LRRC56: variants seen among roughly 807,000 people sequenced by gnomAD.
LRRC56 encodes the protein leucine rich repeat containing 56, also known as leucine-rich repeat-containing protein 56.
A neutral mutation model predicts 47.8 loss-of-function variants in LRRC56; 41 were observed. The ratio of observed to expected loss-of-function variants is 0.86; its 90% CI spans 0.67 to 1.11. The LOEUF (loss-of-function observed/expected upper bound fraction) is 1.11. Among genes scored for constraint, LRRC56 ranks in the 50% most tolerant of loss-of-function variants. The pLI, the probability that LRRC56 is intolerant of heterozygous loss-of-function variation, is 0.00. For synonymous variants in LRRC56, 387 were observed against 311.2 expected, an observed-to-expected ratio of 1.24 and a Z score of -2.56; for missense variants, 759 against 704.2, an observed-to-expected ratio of 1.08 and a Z score of -0.88.
chr11:552,564 C>G lies in LRRC56; in HGVS notation c.1182-5C>G. ...CTGGAGCTTCTCCTCCTCTCCCCACCCTAGCCCCCTCCCCTATAGGCACCC... is the reference window on the plus strand; with the variant it reads ...CTGGAGCTTCTCCTCCTCTCCCCACGCTAGCCCCCTCCCCTATAGGCACCC... On this transcript the variant is annotated splice_region_variant and splice_polypyrimidine_tract_variant and intron_variant, in intron 12 of 13. Coordinates refer to ENST00000270115, the MANE Select transcript of LRRC56 (RefSeq NM_198075.4). 6.3e-7 allele frequency: 1 copy of G among 1,596,700 alleles called. No individual in the cohort carries two copies.
chr11:550,660 G>A (rs150674085), intron 8 of LRRC56, among the ~76,000 whole-genome samples: 6 of 152,154 alleles, frequency 3.9e-5, no homozygotes, highest in Non-Finnish European at 5.9e-5. Flanking sequence ...GCAGTATCTC[G>A]GGGCTCTGCG....
the LRRC56 span, among the ~76,000 whole-genome samples, chr11:520,283 C>T: frequency 6.5e-3 from 428 of 66,354 alleles, 85 homozygotes; most frequent in Middle Eastern, 0.032. Flanking sequence ...CACAGGTGAG[C>T]TTTATTAGAA....
the LRRC56 span, among the ~76,000 whole-genome samples, chr11:527,682 C>CCACCA: frequency 6.6e-6 from 1 of 151,332 alleles, no homozygotes; most frequent in African/African-American, 2.4e-5. Context: ...CAGGCGCCCG[C>CCACCA]CACCACGCCC....
At chr11:509,000 G>C in the LRRC56 span, among the ~76,000 whole-genome samples, 1 of 152,080 alleles carries the variant, frequency 6.6e-6, no homozygotes, top group Non-Finnish European at 1.5e-5. Flanking sequence ...AGCCAAGATC[G>C]TGCCACTGTA....
the LRRC56 span, among the ~76,000 whole-genome samples, chr11:523,145 C>T: frequency 1.3e-5 from 2 of 152,122 alleles, 1 homozygote; most frequent in Non-Finnish European, 2.9e-5. Flanking sequence ...TCTCCCTCCC[C>T]AGCCTCCTGA....
Position 541,644 on chromosome 11 carries a change from G to C in LRRC56, c.265+20G>C. 6.7e-7 allele frequency: 1 copy of C among 1,499,600 alleles called. No individual in the cohort carries two copies. Among genetic ancestry groups the C allele is most frequent in the Non-Finnish European group, 9.1e-7 (1 of 1,104,856 alleles). The allele number at this position is 1,499,600 out of a possible 1,614,324, so 92.9% of individuals were successfully genotyped here. A position where few individuals can be genotyped will look rare whatever the true frequency, so the allele number is the denominator to read the frequency against. Reference sequence around the variant, plus strand: ...ACTTTGGTGAGCCTCTTCCCACCCCGCCATGGCCACGGCCACGGCCACGCC... The same window carrying C: ...ACTTTGGTGAGCCTCTTCCCACCCCCCCATGGCCACGGCCACGGCCACGCC... On this transcript the variant is annotated intron_variant, in intron 5 of 13. Coordinates refer to ENST00000270115, the MANE Select transcript of LRRC56 (RefSeq NM_198075.4). This position sits in a 1 kb window ranked among gnomAD's most constrained non-coding sequence, Gnocchi z 4.1.
chr11:508,986 A>C, the LRRC56 span, among the ~76,000 whole-genome samples: 1 of 152,174 alleles, frequency 6.6e-6, no homozygotes, highest in Non-Finnish European at 1.5e-5. Flanking sequence ...CAGAGGTTGC[A>C]GTGAGCCAAG....
chr11:509,923 G>T, the LRRC56 span, among the ~76,000 whole-genome samples: 1 of 151,800 alleles, frequency 6.6e-6, no homozygotes, highest in Admixed American at 6.6e-5. Context: ...CTGTGGAATT[G>T]GGAGTATATG....
chr11:546,128 T>G (rs1027055353), intron 6 of LRRC56, among the ~76,000 whole-genome samples: 38 of 151,990 alleles, frequency 2.5e-4, no homozygotes, highest in African/African-American at 8.2e-4. Context: ...AAATTAGCCG[T>G]GCATGGTGGC....
upstream of LRRC56, chr11:534,618 GGCTGACA>G: frequency 1.9e-6 from 1 of 520,232 alleles, no homozygotes; most frequent in South Asian, 2.3e-5. Context: ...TCAAAGGCAG[GGCTGACA>G]GCTGAGCGCT....
chr11:550,261 C>T lies in LRRC56; in HGVS notation c.613C>T (p.Pro205Ser). The T allele has an allele frequency of 2.5e-6, 4 of 1,594,794 alleles. No homozygotes were observed. Among genetic ancestry groups the T allele is most frequent in the Non-Finnish European group, 3.4e-6 (4 of 1,170,380 alleles). The stretch of plus-strand genomic sequence containing the variant: ...GGTGTGCCTACAGCCGGCCCCTGGC[C>T]CCACCAACAAGGTGCGTGTCCCGGG... The part of the protein sequence containing the change: ...NLVCLQPAPG[P>S]TNKVPRGYNY... Residue 205 changes from proline (P) to serine (S), a missense_variant, in exon 8 of 14, where the codon CCC (proline) becomes TCC (serine). Coordinates refer to ENST00000270115, the MANE Select transcript of LRRC56 (RefSeq NM_198075.4).
At chr11:538,286 C>G (rs1564795174) in intron 1 of LRRC56, among the ~76,000 whole-genome samples, 1 of 152,168 alleles carries the variant, frequency 6.6e-6, no homozygotes, top group Non-Finnish European at 1.5e-5. Flanking sequence ...CATAGGTGTC[C>G]AGGGGCTGCC....
At position 551,262 on chromosome 11, in the gene LRRC56, G is replaced by A. The variant is rs1852371534; in HGVS notation, c.756G>A (p.Val252=). ...PPRLSQDWLA[V]KEAIKKGNGL... is the part of the protein sequence containing the mutation. Reference sequence around the variant, plus strand: ...GGCTGAGCCAGGACTGGCTTGCGGTGAAGGAGGCCATCAAGAAGGGCAACG... The same window carrying A: ...GGCTGAGCCAGGACTGGCTTGCGGTAAAGGAGGCCATCAAGAAGGGCAACG... The change falls in exon 9 of 14, where the codon GTG becomes GTA. Residue 252 remains valine, a synonymous_variant. Transcript: ENST00000270115. 3 of 1,538,688 alleles carry A rather than the reference G, an allele frequency of 1.9e-6. No homozygotes were observed. The highest frequency in any genetic ancestry group is 2.5e-5 in the East Asian group (1 of 40,454).
chr11:547,878 A>C (rs552713926), intron 6 of LRRC56, among the ~76,000 whole-genome samples: 3 of 152,238 alleles, frequency 2.0e-5, no homozygotes, highest in African/African-American at 7.2e-5. Context: ...CTGTAATCCC[A>C]GCACTTTGGG....
chr11:552,117 C>T lies in LRRC56; in HGVS notation c.1066C>T (p.Gln356Ter), dbSNP rs951382957. The T allele has an allele frequency of 5.0e-6, 8 of 1,612,192 alleles. No individual in the cohort carries two copies. Among genetic ancestry groups the T allele is most frequent in the Non-Finnish European group, 6.8e-6 (8 of 1,179,650 alleles). ...CAGGGAGCCCCCCGAGCAGCTGCCC[C>T]AACACAGGCCAGGAGATCCGGCCGC... ...QAREPPEQLP[Q>*]HRPGDPAAST... Residue 356 changes from glutamine to a stop codon, truncating the protein, a stop_gained, in exon 12 of 14, where the codon CAA (glutamine) becomes TAA (stop). Transcript: ENST00000270115. LOFTEE classifies it high-confidence loss of function.
chr11:551,776 C>T lies in LRRC56; in HGVS notation c.922C>T (p.Leu308=), dbSNP rs781313107. Residue 308 remains leucine (L), a synonymous_variant, in exon 10 of 14, where the codon CTG becomes TTG. Transcript: ENST00000270115. ...LVRGGPLPEG[L]LSEDLAPEDN... is the part of the protein sequence containing the mutation. ...CCGTGGGGGCCCCCTGCCTGAAGGC[C>T]TGCTTTCTGAGGACCTGGCCCCAGA... The T allele has an allele frequency of 6.2e-7, 1 of 1,610,528 alleles. No individual in the cohort carries two copies. Among genetic ancestry groups the T allele is most frequent in the Non-Finnish European group, 8.5e-7 (1 of 1,178,766 alleles).
At chr11:516,477 G>A in the LRRC56 span, among the ~76,000 whole-genome samples, 5 of 151,928 alleles carry the variant, frequency 3.3e-5, no homozygotes, top group Non-Finnish European at 5.9e-5. Flanking sequence ...TTTGATGATT[G>A]TAGGCCCACA....
chr11:553,882 G>A (rs758882649), intron 13 of LRRC56, 81 bp from the exon 14 acceptor site: 63 of 1,294,290 alleles, frequency 4.9e-5, no homozygotes, highest in Middle Eastern at 2.0e-4. Context: ...GCAGGGCCAC[G>A]GGTGGGCTGT....
upstream of LRRC56, among the ~76,000 whole-genome samples, chr11:534,953 G>A (rs1312695209): frequency 6.6e-6 from 1 of 152,252 alleles, no homozygotes; most frequent in East Asian, 1.9e-4. Context: ...CTGGGAAGCA[G>A]GGACTGAGCG....
Sources: allele counts gnomAD v4.1 joint callset (sites outside exome capture counted in the v4.1 genomes callset), GRCh38; gene constraint gnomAD v4.1.1; non-coding constraint Gnocchi (gnomAD v3.1); transcripts MANE v1.5; gene names NCBI Gene and HGNC (gene_info 2026-07-23, HGNC 2026-07-21).